Variants in RMDN2 observed in about 807,000 individuals in gnomAD.
RMDN2 encodes the protein regulator of microtubule dynamics 2.
In RMDN2, 61 loss-of-function variants were observed where a neutral mutation model predicts 52.8. The ratio of observed to expected loss-of-function variants is 1.16; its 90% CI spans 0.94 to 1.43. The LOEUF (loss-of-function observed/expected upper bound fraction) is 1.43. RMDN2 is among the 40% of genes most tolerant of loss of function. The pLI is 0.00. For synonymous variants in RMDN2, 180 were observed against 153.1 expected, an observed-to-expected ratio of 1.18 and a Z score of -1.30; for missense variants, 592 against 475.3, an observed-to-expected ratio of 1.25 and a Z score of -2.28.
At chr2:37,999,188 A>G (rs1675975880) in intron 8 of RMDN2, among the ~76,000 whole-genome samples, 1 of 152,182 alleles carries the variant, frequency 6.6e-6, no homozygotes, top group Admixed American at 6.5e-5. Flanking sequence ...TGCTGAGGTA[A>G]AGAATGCAAA....
chr2:37,933,718 A>G (rs1289003602), intron 2 of RMDN2, among the ~76,000 whole-genome samples: 1 of 152,204 alleles, frequency 6.6e-6, no homozygotes, highest in Non-Finnish European at 1.5e-5. Flanking sequence ...CCGAGATGGC[A>G]GCAGTACCAT....
At chr2:37,996,535 G>A (rs1675560874) in intron 7 of RMDN2, among the ~76,000 whole-genome samples, 1 of 149,076 alleles carries the variant, frequency 6.7e-6, no homozygotes, top group Non-Finnish European at 1.5e-5. Context: ...AGTGAGCCAT[G>A]ATCGTGCCGC....
rs1283385809 is a variant in RMDN2 at position 37,975,192 on chromosome 2, A to C, written c.628-20A>C. 1.4e-6 allele frequency: 2 copies of C among 1,427,648 alleles called. No individual in the cohort carries two copies. The highest frequency in any genetic ancestry group is 1.7e-5 in the Admixed American group (1 of 59,280). The allele number at this position is 1,427,648 out of a possible 1,614,324, so 88.4% of individuals were successfully genotyped here. ...AGTTACCAAGTTAATTTAACAGGCAACTCCATCTTTTCTTTTCAGTTTAGA... is the reference window on the plus strand; with the variant it reads ...AGTTACCAAGTTAATTTAACAGGCACCTCCATCTTTTCTTTTCAGTTTAGA... On this transcript the variant is annotated intron_variant, in intron 3 of 10. Coordinates refer to ENST00000354545, the MANE Select transcript of RMDN2 (RefSeq NM_001170791.3).
intron 2 of RMDN2, among the ~76,000 whole-genome samples, chr2:37,958,885 A>G (rs1014017329): frequency 3.3e-5 from 5 of 150,872 alleles, no homozygotes; most frequent in East Asian, 3.8e-4. Context: ...TTCTGCATCT[A>G]TTGTGATAAT....
intron 10 of RMDN2, among the ~76,000 whole-genome samples, chr2:38,057,919 C>T (rs1314228085): frequency 6.6e-6 from 1 of 152,190 alleles, no homozygotes; most frequent in Admixed American, 6.5e-5. Context: ...GTACAGCCTG[C>T]AGAACCGTGA....
chr2:37,944,529 AT>A (rs1159825870), intron 2 of RMDN2, among the ~76,000 whole-genome samples: 5 of 152,202 alleles, frequency 3.3e-5, no homozygotes, highest in Non-Finnish European at 5.9e-5. Flanking sequence ...AGAAAAATAC[AT>A]TTAATAGTAG....
At chr2:38,031,256 C>CTTTTTTTTTT (rs552306141) in intron 10 of RMDN2, among the ~76,000 whole-genome samples, 4 of 105,862 alleles carry the variant, frequency 3.8e-5, no homozygotes, top group Admixed American at 1.1e-4. Context: ...CTTTGTTTCC[C>CTTTTTTTTTT]TTTTTTTTTT....
intron 8 of RMDN2, among the ~76,000 whole-genome samples, chr2:38,003,521 C>G (rs1350191105): frequency 6.7e-6 from 1 of 149,406 alleles, no homozygotes; most frequent in African/African-American, 2.5e-5. Flanking sequence ...CCACTGCACT[C>G]CAGCCTGGGC....
intron 2 of RMDN2, among the ~76,000 whole-genome samples, chr2:37,931,794 A>G (rs1351186096): frequency 6.6e-6 from 1 of 152,242 alleles, no homozygotes; most frequent in African/African-American, 2.4e-5. Context: ...CTAGTTGGAA[A>G]AACTAGACAC....
upstream of RMDN2, among the ~76,000 whole-genome samples, chr2:37,922,505 A>G (rs762460750): frequency 6.6e-6 from 1 of 152,132 alleles, no homozygotes; most frequent in Non-Finnish European, 1.5e-5. Context: ...CCTCAAATGT[A>G]CATACTACTT....
At chr2:37,988,516 G>A (rs1017760709) in intron 5 of RMDN2, among the ~76,000 whole-genome samples, 2 of 152,208 alleles carry the variant, frequency 1.3e-5, no homozygotes, top group African/African-American at 4.8e-5. Flanking sequence ...TTGTCCATAT[G>A]TGGTATGAAT....
At chr2:37,923,818 C>T (rs2124868309), upstream of RMDN2, among the ~76,000 whole-genome samples, 1 of 152,324 alleles carries the variant, frequency 6.6e-6, no homozygotes, top group African/African-American at 2.4e-5. Flanking sequence ...GGCCCGATCT[C>T]GGCTCACTGC....
chr2:37,943,196 A>T (rs1274504915), intron 2 of RMDN2, among the ~76,000 whole-genome samples: 1 of 152,238 alleles, frequency 6.6e-6, no homozygotes, highest in Non-Finnish European at 1.5e-5. Flanking sequence ...CACAATGTGT[A>T]GCATGGGAAG....
intron 2 of RMDN2, chr2:37,952,569 G>A (rs1040263111): frequency 5.9e-6 from 2 of 336,536 alleles, no homozygotes; most frequent in Non-Finnish European, 1.1e-5. Flanking sequence ...TGAGAGTTTA[G>A]TATCCCCTTT....
At chr2:37,967,827 C>T (rs1671267463) in intron 2 of RMDN2, among the ~76,000 whole-genome samples, 1 of 152,082 alleles carries the variant, frequency 6.6e-6, no homozygotes, top group Non-Finnish European at 1.5e-5. Flanking sequence ...TTTTTTAAAG[C>T]ACCAATTTTT....
chr2:37,981,309 A>T lies in RMDN2; in HGVS notation c.757A>T (p.Asn253Tyr). 3.7e-6 allele frequency: 6 copies of T among 1,607,212 alleles called. No individual in the cohort carries two copies. The highest frequency in any genetic ancestry group is 5.1e-6 in the Non-Finnish European group (6 of 1,173,738). ...IGKTLSERAINRAPMNGHCHL... is the reference protein window; with the variant it reads ...IGKTLSERAIYRAPMNGHCHL... ...AAAAACTTTAAGTGAAAGAGCTATT[A>T]ATAGAGCACCCATGAATGGACATTG... The change falls in exon 5 of 11, where the codon AAT becomes TAT. Residue 253 changes from asparagine (N) to tyrosine (Y), a missense_variant. By Grantham distance (143) the Asn-to-Tyr change is moderately radical (BLOSUM62 -2). Coordinates refer to ENST00000354545, the MANE Select transcript of RMDN2 (RefSeq NM_001170791.3).
intron 10 of RMDN2, among the ~76,000 whole-genome samples, chr2:38,040,797 A>G (rs1408760559): frequency 6.6e-6 from 1 of 152,200 alleles, no homozygotes; most frequent in East Asian, 1.9e-4. Context: ...AAATCTACAG[A>G]TCAGGTTAGG....
intron 10 of RMDN2, among the ~76,000 whole-genome samples, chr2:38,042,441 C>G (rs1223482938): frequency 1.4e-5 from 2 of 142,796 alleles, no homozygotes; most frequent in African/African-American, 5.9e-5. Flanking sequence ...CACACACACA[C>G]ACCACACACA....
At chr2:37,926,942 G>T (rs900213121) in intron 1 of RMDN2, among the ~76,000 whole-genome samples, 1 of 148,038 alleles carries the variant, frequency 6.8e-6, no homozygotes, top group Non-Finnish European at 1.5e-5. Context: ...AAAAAAAAAA[G>T]CTATGTAAAT....
Sources: allele counts gnomAD v4.1 joint callset (sites outside exome capture counted in the v4.1 genomes callset), GRCh38; gene constraint gnomAD v4.1.1; transcripts MANE v1.5; gene names NCBI Gene and HGNC (gene_info 2026-07-23, HGNC 2026-07-21).